SEMA6D: variants seen among roughly 807,000 people sequenced by gnomAD.
SEMA6D encodes semaphorin-6D.
A neutral mutation model predicts 106.6 loss-of-function variants in SEMA6D; 35 were observed. The ratio of observed to expected loss-of-function variants is 0.33; its 90% confidence interval spans 0.25 to 0.44. SEMA6D has a LOEUF of 0.44. SEMA6D is among the 20% of genes least tolerant of loss of function. SEMA6D has a pLI of 1.00. For missense variants in SEMA6D, 1,185 were observed against 1,345.9 expected (o/e 0.88, Z 1.87); for synonymous variants, 499 against 487.7 (o/e 1.02, Z -0.31).
chr15:47,635,013 CA>C (rs746905740), intron 4 of SEMA6D, among the ~76,000 whole-genome samples: 132 of 152,240 alleles, frequency 8.7e-4, no homozygotes, highest in Non-Finnish European at 1.5e-3. Context: ...CAGTCAATAA[CA>C]GATAGTACAT....
intron 2 of SEMA6D, among the ~76,000 whole-genome samples, chr15:47,466,291 C>G (rs1387639333): frequency 6.6e-6 from 1 of 151,972 alleles, no homozygotes; most frequent in Non-Finnish European, 1.5e-5. Context: ...AATTTTGTAC[C>G]CTTTGACAAA....
At chr15:47,723,535 T>C (rs1027987724) in intron 1 of SEMA6D, among the ~76,000 whole-genome samples, 1 of 152,202 alleles carries the variant, frequency 6.6e-6, no homozygotes, top group Non-Finnish European at 1.5e-5. Context: ...GTTCAAGCAT[T>C]AGTGGCACCA....
At chr15:47,629,686 A>C (rs1216504583) in intron 4 of SEMA6D, among the ~76,000 whole-genome samples, 1 of 151,742 alleles carries the variant, frequency 6.6e-6, no homozygotes, top group Non-Finnish European at 1.5e-5. Flanking sequence ...CTTTTATCTA[A>C]CTGTGTGTTT....
intron 3 of SEMA6D, among the ~76,000 whole-genome samples, chr15:47,587,442 C>T (rs2076362364): frequency 6.6e-6 from 1 of 152,224 alleles, no homozygotes; most frequent in African/African-American, 2.4e-5. Context: ...TAAATCTATA[C>T]ATATCTTCTA....
At chr15:47,568,929 T>G (rs1181333390) in intron 3 of SEMA6D, among the ~76,000 whole-genome samples, 1 of 152,186 alleles carries the variant, frequency 6.6e-6, no homozygotes, top group African/African-American at 2.4e-5. Flanking sequence ...TCTCCACTAA[T>G]GGATGCTAAG....
intron 1 of SEMA6D, among the ~76,000 whole-genome samples, chr15:47,288,633 T>A (rs2035469603): frequency 6.6e-6 from 1 of 152,150 alleles, no homozygotes; most frequent in Non-Finnish European, 1.5e-5. Flanking sequence ...AGTTAGTGAA[T>A]GAATGCATGA....
intron 4 of SEMA6D, among the ~76,000 whole-genome samples, chr15:47,646,094 C>T (rs929775521): frequency 6.6e-6 from 1 of 152,042 alleles, no homozygotes; most frequent in Non-Finnish European, 1.5e-5. Flanking sequence ...CATTGAGGAT[C>T]AAGGCAAACT....
intron 1 of SEMA6D, among the ~76,000 whole-genome samples, chr15:47,311,032 CT>C (rs2036429582): frequency 6.6e-6 from 1 of 152,158 alleles, no homozygotes; most frequent in African/African-American, 2.4e-5. Flanking sequence ...CCTGATATTA[CT>C]TCAATTTGGA....
At chr15:47,298,206 G>A (rs1324038579) in intron 1 of SEMA6D, among the ~76,000 whole-genome samples, 2 of 152,268 alleles carry the variant, frequency 1.3e-5, no homozygotes, top group Non-Finnish European at 2.9e-5. Flanking sequence ...GGCGGAGCTC[G>A]CACTGGGAAT....
chr15:47,344,694 G>T lies in SEMA6D; in HGVS notation c.-238-67699G>T, dbSNP rs79597285. ...AGAATTCAGTTAAGTATTGGTCAGT[G>T]CAATGTTGTACTGGATGTTCCAACT... On this transcript the variant is annotated intron_variant, in intron 1 of 19. Transcript: ENST00000558014. 5.9e-3 allele frequency among the ~76,000 whole-genome samples: 903 copies of T among 152,310 alleles called. 6 individuals carry two copies. Among genetic ancestry groups the T allele is most frequent in the East Asian group, 0.049 (252 of 5,178 alleles).
At chr15:47,498,782 C>T (rs1285657162) in intron 3 of SEMA6D, among the ~76,000 whole-genome samples, 2 of 152,032 alleles carry the variant, frequency 1.3e-5, no homozygotes, top group Non-Finnish European at 2.9e-5. Context: ...ACAAGAGGCC[C>T]GCATGACTGC....
At chr15:47,545,951 C>A (rs573528402) in intron 3 of SEMA6D, among the ~76,000 whole-genome samples, 1 of 152,128 alleles carries the variant, frequency 6.6e-6, no homozygotes, top group Admixed American at 6.6e-5. Context: ...CAGAAAGATG[C>A]ACAAAACTCA....
chr15:47,428,453 CG>C (rs2041420333), intron 2 of SEMA6D, among the ~76,000 whole-genome samples: 1 of 34,052 alleles, frequency 2.9e-5, no homozygotes. Context: ...AGTATTTAGG[CG>C]CAGATCTACC....
chr15:47,556,821 G>C (rs2045929496), intron 3 of SEMA6D, among the ~76,000 whole-genome samples: 1 of 152,094 alleles, frequency 6.6e-6, no homozygotes, highest in Non-Finnish European at 1.5e-5. Flanking sequence ...ACAGTAACTG[G>C]GGATGGTGTT....
chr15:47,671,805 A>G (rs1222950598), intron 4 of SEMA6D, among the ~76,000 whole-genome samples: 2 of 152,170 alleles, frequency 1.3e-5, no homozygotes, highest in African/African-American at 2.4e-5. Context: ...TGGAAACAAG[A>G]TCAATATAAG....
chr15:47,759,993 G>A (rs1001167768), intron 2 of SEMA6D, 86 bp downstream of exon 2: 2 of 1,020,416 alleles, frequency 2.0e-6, no homozygotes, highest in African/African-American at 1.6e-5. Flanking sequence ...TTCAGAAAGA[G>A]GCAGAGATTT....
intron 1 of SEMA6D, among the ~76,000 whole-genome samples, chr15:47,742,654 G>A (rs1481965851): frequency 6.6e-6 from 1 of 152,192 alleles, no homozygotes; most frequent in Non-Finnish European, 1.5e-5. Context: ...GGGACTTTCA[G>A]TGCATATGAC....
At chr15:47,625,415 T>A (rs1230357648) in intron 4 of SEMA6D, among the ~76,000 whole-genome samples, 1 of 152,178 alleles carries the variant, frequency 6.6e-6, no homozygotes, top group Admixed American at 6.5e-5. Flanking sequence ...TTATGTTCCA[T>A]CTTTATCAGT....
chr15:47,594,187 T>C (rs1228254318), intron 3 of SEMA6D, among the ~76,000 whole-genome samples: 1 of 152,222 alleles, frequency 6.6e-6, no homozygotes, highest in Non-Finnish European at 1.5e-5. Flanking sequence ...AAATCACTAT[T>C]ATAGAACTCA....
Sources: gnomAD v4.1 joint callset for allele counts (sites outside exome capture counted in the v4.1 genomes callset) on GRCh38, gnomAD v4.1.1 for gene constraint, MANE v1.5 for transcripts, NCBI Gene and HGNC (gene_info 2026-07-23, HGNC 2026-07-21) for gene names.